Variants in UGGT2 observed in about 807,000 individuals in gnomAD.
UGGT2 encodes the protein UDP-glucose:glycoprotein glucosyltransferase 2.
In UGGT2, 180 loss-of-function variants were observed where a neutral mutation model predicts 192.1. The observed-to-expected ratio is 0.94, with a 90% confidence interval of 0.83 to 1.06. UGGT2 has a LOEUF of 1.06. Among genes scored for constraint, UGGT2 ranks in the 50% least tolerant of loss-of-function variants. The probability of loss-of-function intolerance (pLI) is 0.00; values close to 1 mark genes in which losing one functional copy is unlikely to be tolerated. For synonymous variants in UGGT2, 580 were observed against 591.0 expected (o/e 0.98, Z 0.27); for missense variants, 1,849 against 1,795.7 (o/e 1.03, Z -0.54).
intron 12 of UGGT2, among the ~76,000 whole-genome samples, chr13:95,958,247 G>A (rs980389242): frequency 6.6e-6 from 1 of 151,966 alleles, no homozygotes; most frequent in African/African-American, 2.4e-5. Flanking sequence ...CGCCTCCTAG[G>A]TTCATGCCAT....
At chr13:95,805,259 T>C (rs1329826925) in intron 38 of UGGT2, among the ~76,000 whole-genome samples, 1 of 149,752 alleles carries the variant, frequency 6.7e-6, no homozygotes, top group Non-Finnish European at 1.5e-5. Context: ...GACCCATTAG[T>C]ATGACTGCTA....
At chr13:95,974,577 G>A (rs188915787) in intron 10 of UGGT2, among the ~76,000 whole-genome samples, 2 of 152,172 alleles carry the variant, frequency 1.3e-5, no homozygotes, top group African/African-American at 4.8e-5. Context: ...AGAGAGAAGA[G>A]GTTTGCCTAT....
At chr13:95,853,474 T>G (rs1355289349) in intron 36 of UGGT2, 69 bp downstream of exon 36, 1 of 1,276,566 alleles carries the variant, frequency 7.8e-7, no homozygotes, top group Non-Finnish European at 1.1e-6. Context: ...GACTTTAAAG[T>G]TTATGAGCAC....
chr13:95,824,362 C>A (rs1044469550), intron 38 of UGGT2, among the ~76,000 whole-genome samples: 3 of 152,128 alleles, frequency 2.0e-5, no homozygotes, highest in Admixed American at 2.0e-4. Context: ...GGATGTTTTC[C>A]TCAATTATTC....
intron 37 of UGGT2, among the ~76,000 whole-genome samples, chr13:95,833,845 T>C (rs1313432516): frequency 6.6e-6 from 1 of 152,152 alleles, no homozygotes; most frequent in Non-Finnish European, 1.5e-5. Context: ...CTTCATCAAG[T>C]AATAAAGGAA....
intron 10 of UGGT2, 72 bp from the exon 11 acceptor site, chr13:95,972,743 A>G: frequency 1.8e-6 from 2 of 1,131,564 alleles, no homozygotes; most frequent in Non-Finnish European, 2.6e-6. Context: ...TCACCATATT[A>G]TTTCTATAAA....
At chr13:95,834,334 G>A (rs1887052996) in intron 37 of UGGT2, among the ~76,000 whole-genome samples, 1 of 152,052 alleles carries the variant, frequency 6.6e-6, no homozygotes, top group Admixed American at 6.6e-5. Flanking sequence ...TGGAGAAAAT[G>A]TGTGATGGCC....
At chr13:95,945,163 G>T (rs1209762648) in intron 15 of UGGT2, among the ~76,000 whole-genome samples, 1 of 151,750 alleles carries the variant, frequency 6.6e-6, no homozygotes, top group Non-Finnish European at 1.5e-5. Context: ...TTTAATATTT[G>T]CTATTTGTTA....
chr13:95,953,688 A>G (rs1174742772), intron 12 of UGGT2, among the ~76,000 whole-genome samples: 6 of 152,134 alleles, frequency 3.9e-5, no homozygotes, highest in Non-Finnish European at 7.4e-5. Context: ...TATGAAGTGC[A>G]CATCTAATGC....
intron 24 of UGGT2, among the ~76,000 whole-genome samples, chr13:95,894,179 A>T (rs555399029): frequency 6.6e-6 from 1 of 152,222 alleles, no homozygotes; most frequent in Non-Finnish European, 1.5e-5. Context: ...TAGCTTTGTG[A>T]CAGAGGCCAC....
chr13:96,037,221 C>T (rs1265038220), intron 1 of UGGT2, among the ~76,000 whole-genome samples: 2 of 152,158 alleles, frequency 1.3e-5, no homozygotes, highest in Non-Finnish European at 2.9e-5. Context: ...CACCTCTAGC[C>T]AGAGTCTTGC....
intron 22 of UGGT2, 32 bp downstream of exon 22, chr13:95,900,775 G>C: frequency 6.3e-7 from 1 of 1,591,908 alleles, no homozygotes; most frequent in Non-Finnish European, 8.5e-7. Context: ...CAGTGTCACT[G>C]AGAAAAGAGA....
intron 37 of UGGT2, among the ~76,000 whole-genome samples, 153 bp downstream of exon 37, chr13:95,836,933 T>C (rs1887349141): frequency 6.6e-6 from 1 of 152,244 alleles, no homozygotes; most frequent in South Asian, 2.1e-4. Flanking sequence ...AAAATAACCC[T>C]ATACTTGCCA....
intron 5 of UGGT2, among the ~76,000 whole-genome samples, chr13:96,000,218 G>T (rs1173588762): frequency 6.6e-6 from 1 of 152,110 alleles, no homozygotes; most frequent in Admixed American, 6.5e-5. Context: ...GTTTGCACAG[G>T]GACAGTTTTG....
rs115433115 is a variant in UGGT2 at position 95,946,214 on chromosome 13, C to G, written c.1677+823G>C. On this transcript the variant is annotated intron_variant, in intron 15 of 38. Transcript: ENST00000376747. ...TTGTTCTTCCTTAATCAGGTTCTTA[C>G]CAATTTCTATCATCTGTTATATGAT... Among the ~76,000 whole-genome samples the G allele has an allele frequency of 9.1e-3, 1,387 of 152,248 alleles. 23 individuals are homozygous for G. Among genetic ancestry groups the G allele is most frequent in the African/African-American group, 0.032 (1,322 of 41,538 alleles).
rs572761934 is a variant in UGGT2, at chr13:95,946,540, A to T, written c.1677+497T>A. Among the ~76,000 whole-genome samples the T allele has an allele frequency of 6.7e-3, 996 of 147,620 alleles. 5 individuals are homozygous for T. The highest frequency in any genetic ancestry group is 0.01 in the Non-Finnish European group (674 of 66,494). Reference sequence around the variant, plus strand: ...TGTGCCGCTGCACCTGGAATTTTTTATTTTTTTTTTGGTAGAGACAGGGTC... The same window carrying T: ...TGTGCCGCTGCACCTGGAATTTTTTTTTTTTTTTTTGGTAGAGACAGGGTC... On this transcript the variant is annotated intron_variant, in intron 15 of 38. Coordinates refer to ENST00000376747, the MANE Select transcript of UGGT2 (RefSeq NM_020121.4).
chr13:95,876,517 C>T (rs1054165539), intron 29 of UGGT2, among the ~76,000 whole-genome samples: 1 of 152,112 alleles, frequency 6.6e-6, no homozygotes, highest in Non-Finnish European at 1.5e-5. Flanking sequence ...TAAGTTGGGG[C>T]TGTGAGGCCT....
intron 17 of UGGT2, 134 bp from the exon 18 acceptor site, chr13:95,927,470 CT>C (rs869027577): frequency 0.25 from 59,667 of 237,880 alleles, 316 homozygotes; most frequent in South Asian, 0.3. Context: ...CATTTTCTTT[CT>C]TTTTTTTTTT....
At chr13:95,818,782 C>T (rs762724235) in intron 38 of UGGT2, among the ~76,000 whole-genome samples, 6 of 151,934 alleles carry the variant, frequency 3.9e-5, no homozygotes, top group African/African-American at 7.3e-5. Flanking sequence ...GCTATAGTGG[C>T]GTCACCTGGG....
Sources: gnomAD v4.1 joint callset for allele counts (sites outside exome capture counted in the v4.1 genomes callset) on GRCh38, gnomAD v4.1.1 for gene constraint, MANE v1.5 for transcripts, NCBI Gene and HGNC (gene_info 2026-07-23, HGNC 2026-07-21) for gene names.